Variants in NRG3 observed in about 807,000 individuals in gnomAD.
NRG3 encodes neuregulin 3.
A neutral mutation model predicts 66.9 loss-of-function variants in NRG3; 31 were observed. That is an observed-to-expected ratio of 0.46 (90% CI 0.35 to 0.63). The LOEUF (loss-of-function observed/expected upper bound fraction) is 0.63, where lower values mean the gene tolerates loss of function less well. Among genes scored for constraint, NRG3 ranks in the 20% least tolerant of loss-of-function variants. The pLI is 0.00. For synonymous variants in NRG3, 393 were observed against 359.4 expected (o/e 1.09, Z -1.06); for missense variants, 910 against 878.9 (o/e 1.04, Z -0.45).
At chr10:82,292,502 TA>T (rs2079807734) in intron 1 of NRG3, among the ~76,000 whole-genome samples, 1 of 151,926 alleles carries the variant, frequency 6.6e-6, no homozygotes, top group Non-Finnish European at 1.5e-5. Context: ...CCCTGAAAAA[TA>T]AAAAGAATAT....
At chr10:82,761,102 A>G (rs569355363) in intron 3 of NRG3, among the ~76,000 whole-genome samples, 83 of 152,056 alleles carry the variant, frequency 5.5e-4, no homozygotes, top group Admixed American at 1.4e-3. Context: ...TTATAAAAAA[A>G]ACTCTAAAAC....
chr10:82,217,453 A>G (rs1469766731), intron 1 of NRG3, among the ~76,000 whole-genome samples: 1 of 152,126 alleles, frequency 6.6e-6, no homozygotes, highest in East Asian at 1.9e-4. Flanking sequence ...GAGGCCCAGA[A>G]TCTGTGTTTT....
At chr10:82,137,889 C>T (rs971729917) in intron 1 of NRG3, among the ~76,000 whole-genome samples, 2 of 151,980 alleles carry the variant, frequency 1.3e-5, no homozygotes, top group African/African-American at 2.4e-5. Context: ...GCTAACATGC[C>T]CTTAGTGCTT....
intron 2 of NRG3, among the ~76,000 whole-genome samples, chr10:82,540,938 A>C (rs1005146429): frequency 2.6e-5 from 4 of 152,146 alleles, no homozygotes; most frequent in Admixed American, 6.5e-5. Flanking sequence ...GAGGTCATTA[A>C]GGTGTGTCCT....
intron 1 of NRG3, among the ~76,000 whole-genome samples, chr10:82,100,737 A>G (rs2066679039): frequency 6.6e-6 from 1 of 152,028 alleles, no homozygotes; most frequent in African/African-American, 2.4e-5. Context: ...ATTTGGTATT[A>G]CCATTTATAT....
chr10:81,905,840 A>G (rs1387836518), intron 1 of NRG3, among the ~76,000 whole-genome samples: 1 of 152,186 alleles, frequency 6.6e-6, no homozygotes, highest in African/African-American at 2.4e-5. Flanking sequence ...TTTTTGCATA[A>G]TTGGAATTTG....
At chr10:82,341,204 C>T (rs928994182) in intron 1 of NRG3, among the ~76,000 whole-genome samples, 6 of 152,058 alleles carry the variant, frequency 3.9e-5, no homozygotes, top group East Asian at 3.9e-4. Flanking sequence ...TACTAAAAAA[C>T]GATGCCTTCT....
intron 2 of NRG3, among the ~76,000 whole-genome samples, chr10:82,543,813 C>T (rs901854448): frequency 3.9e-5 from 6 of 152,138 alleles, no homozygotes; most frequent in African/African-American, 1.2e-4. Context: ...TGCCTTCTGC[C>T]GCCTGGAGTT....
At chr10:82,372,891 G>A (rs967382525) in intron 2 of NRG3, among the ~76,000 whole-genome samples, 1 of 152,162 alleles carries the variant, frequency 6.6e-6, no homozygotes, top group Non-Finnish European at 1.5e-5. Context: ...ACCACACCTG[G>A]CCTGTATTAG....
chr10:82,904,633 A>T (rs1215910892), intron 4 of NRG3, among the ~76,000 whole-genome samples: 1 of 152,140 alleles, frequency 6.6e-6, no homozygotes, highest in East Asian at 1.9e-4. Flanking sequence ...GAATACATAG[A>T]AGCATATCTT....
chr10:82,616,929 C>G (rs2048691299), intron 2 of NRG3, among the ~76,000 whole-genome samples: 1 of 152,110 alleles, frequency 6.6e-6, no homozygotes, highest in Non-Finnish European at 1.5e-5. Flanking sequence ...ATTATTTTTA[C>G]TTTGTATATG....
intron 2 of NRG3, among the ~76,000 whole-genome samples, chr10:82,660,795 T>A (rs1273306735): frequency 6.6e-6 from 1 of 152,140 alleles, no homozygotes; most frequent in African/African-American, 2.4e-5. Flanking sequence ...ACGGTTCACT[T>A]CTTATCAGTT....
At chr10:82,974,389 C>T (rs1852051880) in intron 7 of NRG3, among the ~76,000 whole-genome samples, 1 of 152,116 alleles carries the variant, frequency 6.6e-6, no homozygotes, top group African/African-American at 2.4e-5. Context: ...AATGAGGTGG[C>T]AGTTTCTTGC....
At chr10:82,795,505 T>C (rs2060763771) in intron 3 of NRG3, among the ~76,000 whole-genome samples, 2 of 152,356 alleles carry the variant, frequency 1.3e-5, no homozygotes, top group African/African-American at 4.8e-5. Context: ...TAATGTCTTC[T>C]TGAGACTGTC....
At chr10:81,964,272 T>C (rs1412631475) in intron 1 of NRG3, among the ~76,000 whole-genome samples, 2 of 151,962 alleles carry the variant, frequency 1.3e-5, no homozygotes, top group African/African-American at 2.4e-5. Flanking sequence ...AGAATAACTT[T>C]ATTCTTTTTT....
intron 1 of NRG3, among the ~76,000 whole-genome samples, chr10:81,946,196 T>C (rs536307077): frequency 2.0e-5 from 3 of 152,198 alleles, no homozygotes; most frequent in South Asian, 2.1e-4. Flanking sequence ...TTTGTACTTT[T>C]AGTAGAGACG....
chr10:82,639,931 C>T (rs1157213999), intron 2 of NRG3, among the ~76,000 whole-genome samples: 1 of 152,112 alleles, frequency 6.6e-6, no homozygotes, highest in Non-Finnish European at 1.5e-5. Context: ...CACCCTCCAC[C>T]CTCCAATAGG....
intron 3 of NRG3, among the ~76,000 whole-genome samples, chr10:82,838,492 T>C (rs1165952065): frequency 6.6e-6 from 1 of 152,160 alleles, no homozygotes; most frequent in Non-Finnish European, 1.5e-5. Context: ...AATATTCTTT[T>C]TATTTTATGA....
chr10:82,494,082 AG>A (rs1320693125), intron 2 of NRG3, among the ~76,000 whole-genome samples: 1 of 152,212 alleles, frequency 6.6e-6, no homozygotes, highest in Non-Finnish European at 1.5e-5. Context: ...TAAAAACTCA[AG>A]GTACAACACA....
Sources: gnomAD v4.1 joint callset for allele counts (sites outside exome capture counted in the v4.1 genomes callset) on GRCh38, gnomAD v4.1.1 for gene constraint, MANE v1.5 for transcripts, NCBI Gene and HGNC (gene_info 2026-07-23, HGNC 2026-07-21) for gene names.